The following TANC2 variants were observed in gnomAD, a reference collection of about 807,000 sequenced individuals.
TANC2 encodes the protein tetratricopeptide repeat, ankyrin repeat and coiled-coil containing 2, also known as protein TANC2.
TANC2 carries 26 observed loss-of-function variants against 210.5 expected under a neutral mutation model. That is an observed-to-expected ratio of 0.12 (90% CI 0.09 to 0.17). TANC2 has a LOEUF of 0.17. TANC2 is among the 10% of genes least tolerant of loss of function. The pLI, the probability that TANC2 is intolerant of heterozygous loss-of-function variation, is 1.00. For synonymous variants in TANC2, 931 were observed against 967.1 expected (o/e 0.96, Z 0.69); for missense variants, 2,129 against 2,608.9 (o/e 0.82, Z 4.01).
intron 14 of TANC2, among the ~76,000 whole-genome samples, chr17:63,356,365 A>C (rs1326880124): frequency 3.9e-5 from 6 of 152,210 alleles, no homozygotes; most frequent in Non-Finnish European, 8.8e-5. Flanking sequence ...CACCAACAAC[A>C]TAGCTGGCAA....
intron 4 of TANC2, among the ~76,000 whole-genome samples, chr17:63,128,817 T>C (rs530610222): frequency 1.3e-5 from 2 of 152,280 alleles, no homozygotes; most frequent in East Asian, 1.9e-4. Context: ...TGAATTATGG[T>C]CTTGTCTGTA....
At chr17:63,016,312 C>T (rs1355266677) in intron 2 of TANC2, among the ~76,000 whole-genome samples, 6 of 152,156 alleles carry the variant, frequency 3.9e-5, no homozygotes, top group African/African-American at 9.7e-5. Flanking sequence ...TGTGGTGGCT[C>T]ATGCCTGTAA....
chr17:62,971,170 G>GA (rs966907308), intron 1 of TANC2, among the ~76,000 whole-genome samples: 30 of 147,862 alleles, frequency 2.0e-4, no homozygotes, highest in South Asian at 4.3e-4. Flanking sequence ...CGTTTAAAAT[G>GA]AAAAAAAAAA....
intron 2 of TANC2, among the ~76,000 whole-genome samples, chr17:63,046,671 A>G (rs373324086): frequency 1.3e-5 from 2 of 152,024 alleles, no homozygotes; most frequent in African/African-American, 2.4e-5. Context: ...TTTCATTGCC[A>G]TTATTATTAT....
intron 9 of TANC2, among the ~76,000 whole-genome samples, chr17:63,269,812 G>A (rs144095188): frequency 5.9e-5 from 9 of 152,190 alleles, no homozygotes; most frequent in African/African-American, 1.7e-4. Context: ...ATCTTCAGCC[G>A]AAGCATTCAG....
intron 9 of TANC2, among the ~76,000 whole-genome samples, chr17:63,284,409 G>T (rs1052184494): frequency 3.3e-5 from 5 of 151,704 alleles, no homozygotes; most frequent in African/African-American, 1.2e-4. Context: ...TGATGTCTTT[G>T]TCTGGTTTTA....
intron 2 of TANC2, among the ~76,000 whole-genome samples, chr17:63,073,396 G>T (rs893695028): frequency 6.6e-6 from 1 of 151,842 alleles, no homozygotes; most frequent in Non-Finnish European, 1.5e-5. Flanking sequence ...ACAATGAAAT[G>T]GATTTGTTTC....
At chr17:63,208,945 A>G (rs917251324) in intron 7 of TANC2, among the ~76,000 whole-genome samples, 4 of 151,874 alleles carry the variant, frequency 2.6e-5, no homozygotes, top group Admixed American at 2.6e-4. Flanking sequence ...ATGACTTTTT[A>G]TGTTTTCCTT....
At chr17:63,196,567 A>G (rs2041353531) in intron 6 of TANC2, among the ~76,000 whole-genome samples, 1 of 152,210 alleles carries the variant, frequency 6.6e-6, no homozygotes, top group Non-Finnish European at 1.5e-5. Context: ...CTTGTACATT[A>G]CTGAATAACA....
intron 7 of TANC2, among the ~76,000 whole-genome samples, chr17:63,230,701 T>G (rs1210284670): frequency 6.6e-6 from 1 of 152,212 alleles, no homozygotes; most frequent in Non-Finnish European, 1.5e-5. Context: ...GTGATCAATT[T>G]TACAGTAAGT....
intron 4 of TANC2, among the ~76,000 whole-genome samples, chr17:63,112,598 T>C (rs1035303350): frequency 7.9e-5 from 12 of 152,232 alleles, no homozygotes; most frequent in African/African-American, 2.9e-4. Context: ...CATAGTCATT[T>C]GTAAACTCTG....
At chr17:63,071,126 CT>C (rs1297743011) in intron 2 of TANC2, among the ~76,000 whole-genome samples, 1 of 152,086 alleles carries the variant, frequency 6.6e-6, no homozygotes, top group Non-Finnish European at 1.5e-5. Flanking sequence ...TACTTCTTTT[CT>C]TGTTAGAGCA....
intron 2 of TANC2, among the ~76,000 whole-genome samples, chr17:63,065,719 G>T (rs1202491850): frequency 6.6e-6 from 1 of 152,030 alleles, no homozygotes; most frequent in East Asian, 1.9e-4. Context: ...GTCTATTCAG[G>T]TTCTTTGCCC....
chr17:63,055,275 A>G (rs1212332303), intron 2 of TANC2, among the ~76,000 whole-genome samples: 3 of 152,172 alleles, frequency 2.0e-5, no homozygotes, highest in Admixed American at 6.5e-5. Context: ...TGTGAGGTAA[A>G]TTCTAATGAC....
Position 63,411,549 on chromosome 17 carries a change from G to C in TANC2, c.3628G>C (p.Ala1210Pro), listed in dbSNP as rs534793801. The change falls in exon 22 of 28, where the codon GCC becomes CCC. Residue 1210 changes from alanine (A) to proline (P), a missense_variant. Ala to Pro is a conservative substitution (Grantham distance 27). Around this residue, in one of 5 missense-constraint regions of TANC2, gnomAD observed 644 missense variants for 937.5 expected, o/e 0.69. Coordinates refer to ENST00000689528, the Ensembl canonical transcript of TANC2. Reference sequence around the variant, plus strand: ...TCTTATGGACAAAGAAGGATTGACAGCCCTCAGCTGGGCTTGTTTGAAGGG... The same window carrying C: ...TCTTATGGACAAAGAAGGATTGACACCCCTCAGCTGGGCTTGTTTGAAGGG... 3.1e-6 allele frequency: 5 copies of C among 1,613,684 alleles called. No individual in the cohort carries two copies. The East Asian group carries it at 1.1e-4, about 36-fold the overall frequency.
intron 1 of TANC2, among the ~76,000 whole-genome samples, chr17:62,987,978 A>G (rs983597635): frequency 6.6e-6 from 1 of 152,206 alleles, no homozygotes; most frequent in Non-Finnish European, 1.5e-5. Context: ...AATATATTCC[A>G]TATTAAATAT....
rs200027951 is a variant in TANC2, at chr17:63,393,960, T to TG, written c.3052-1779dup. Among the ~76,000 whole-genome samples the TG allele has an allele frequency of 7.8e-3, 1,189 of 151,994 alleles. 15 individuals are homozygous for TG. The highest frequency in any genetic ancestry group is 0.027 in the African/African-American group (1,106 of 41,446). On this transcript the variant is annotated intron_variant, in intron 17 of 27. Coordinates refer to ENST00000689528, the Ensembl canonical transcript of TANC2. ...TAATTTTTGTATTTTTTAATAGAGA[T>TG]GGGGTTTCACCATGTTGGCCAGGCT...
intron 4 of TANC2, among the ~76,000 whole-genome samples, chr17:63,113,708 TA>T (rs777787986): frequency 1.3e-5 from 2 of 152,116 alleles, no homozygotes; most frequent in Non-Finnish European, 1.5e-5. Context: ...GGGGTCTTGC[TA>T]TGTTGCCCAG....
chr17:63,028,652 TTC>T (rs2034650075), intron 2 of TANC2, among the ~76,000 whole-genome samples: 1 of 152,132 alleles, frequency 6.6e-6, no homozygotes, highest in Non-Finnish European at 1.5e-5. Context: ...ATCTCCACTT[TTC>T]AGGAAGAAAA....
Sources: gnomAD v4.1 joint callset for allele counts (sites outside exome capture counted in the v4.1 genomes callset) on GRCh38, gnomAD v4.1.1 for gene constraint, gnomAD v4.1.1 regional missense constraint, MANE v1.5 for transcripts, NCBI Gene and HGNC (gene_info 2026-07-23, HGNC 2026-07-21) for gene names.